Variants in LRRC72 observed in about 807,000 individuals in gnomAD.
LRRC72 encodes the protein leucine rich repeat containing 72, also known as leucine-rich repeat-containing protein 72.
A neutral mutation model predicts 35.8 loss-of-function variants in LRRC72; 41 were observed. That is an observed-to-expected ratio of 1.15 (90% CI 0.89 to 1.49). The LOEUF is 1.49. Ranked by LOEUF, LRRC72 falls within the 40% of genes most tolerant of loss-of-function variation. The pLI is 0.00. For synonymous variants in LRRC72, 118 were observed against 119.2 expected, an observed-to-expected ratio of 0.99 and a Z score of 0.07; for missense variants, 389 against 330.7, an observed-to-expected ratio of 1.18 and a Z score of -1.37.
chr7:16,578,275 C>A (rs886759214), intron 7 of LRRC72, among the ~76,000 whole-genome samples: 1 of 152,158 alleles, frequency 6.6e-6, no homozygotes, highest in Non-Finnish European at 1.5e-5. Flanking sequence ...AAGTTTGAGA[C>A]CAGCCTGGCT....
chr7:16,541,174 G>A (rs1782350515), intron 3 of LRRC72, among the ~76,000 whole-genome samples: 1 of 152,190 alleles, frequency 6.6e-6, no homozygotes, highest in Non-Finnish European at 1.5e-5. Context: ...AATCACTACA[G>A]TAAGCTAGTG....
intron 7 of LRRC72, 75 bp from the exon 8 acceptor site, chr7:16,579,999 T>G (rs940299346): frequency 3.1e-6 from 1 of 319,834 alleles, no homozygotes; most frequent in African/African-American, 2.3e-5. Flanking sequence ...TTTTCCTTTA[T>G]AGCATTGTTC....
chr7:16,556,833 G>A (rs550189818), intron 3 of LRRC72, among the ~76,000 whole-genome samples: 29 of 152,258 alleles, frequency 1.9e-4, no homozygotes, highest in African/African-American at 6.0e-4. Context: ...ACTCATGCAC[G>A]GTTTAGTATG....
At chr7:16,529,489 A>G (rs2128334055) in intron 1 of LRRC72, among the ~76,000 whole-genome samples, 1 of 152,264 alleles carries the variant, frequency 6.6e-6, no homozygotes, top group African/African-American at 2.4e-5. Context: ...AGGGACCACG[A>G]ACTGTGCCCC....
At chr7:16,538,999 C>T (rs755017032) in intron 3 of LRRC72, among the ~76,000 whole-genome samples, 1 of 152,122 alleles carries the variant, frequency 6.6e-6, no homozygotes, top group Non-Finnish European at 1.5e-5. Context: ...TTGGCACTGG[C>T]AGAGTGGGAT....
chr7:16,534,380 G>A (rs984084534), intron 2 of LRRC72, among the ~76,000 whole-genome samples: 17 of 152,154 alleles, frequency 1.1e-4, no homozygotes, highest in African/African-American at 3.9e-4. Flanking sequence ...ACGTGAAAGA[G>A]TTAAAGTACC....
At position 16,581,406 on chromosome 7, in the gene LRRC72, G is replaced by C; in HGVS notation, c.781G>C (p.Asp261His). ...GATGACTTTGACCTCTATGAACTGG[G>C]ACACAGTTCCAACACGAGAGGAAAG... Reference protein sequence around the residue: ...SVMTLTSMNWDTVPTREERYL... With the variant: ...SVMTLTSMNWHTVPTREERYL... Residue 261 changes from aspartate to histidine, a missense_variant, in exon 9 of 9, where the codon GAC becomes CAC. Transcript: ENST00000401542. 1 of 1,550,244 alleles carries C rather than the reference G, an allele frequency of 6.5e-7. No homozygotes were observed. Among genetic ancestry groups the C allele is most frequent in the East Asian group, 2.4e-5 (1 of 40,868 alleles).
intron 2 of LRRC72, chr7:16,536,937 C>A (rs1442315290): frequency 6.6e-6 from 1 of 152,108 alleles, no homozygotes; most frequent in Admixed American, 6.5e-5. Context: ...AATAAGAGAT[C>A]CAACTACTCC....
In LRRC72 at chr7:16,537,664, A is replaced by C; in HGVS notation, c.202A>C (p.Lys68Gln). Residue 68 changes from lysine to glutamine, a missense_variant, in exon 3 of 9, where the codon AAA becomes CAA. By Grantham distance (53) the Lys-to-Gln change is moderately conservative. Transcript: ENST00000401542. ...TEVIDLSRFK[K>Q]LKYLWLHHNK... ...GGTCATTGATCTTTCTAGGTTTAAA[A>C]AATTAAAATACTTATGGCTTCATCA... 6.5e-7 allele frequency: 1 copy of C among 1,528,472 alleles called. No individual in the cohort carries two copies. Among genetic ancestry groups the C allele is most frequent in the Non-Finnish European group, 8.8e-7 (1 of 1,134,560 alleles). 94.7% of individuals were successfully genotyped at this position (1,528,472 alleles called of 1,614,324 possible). A position where few individuals can be genotyped will look rare whatever the true frequency, so the allele number is the denominator to read the frequency against.
intron 3 of LRRC72, among the ~76,000 whole-genome samples, chr7:16,554,403 T>C (rs949357777): frequency 2.0e-5 from 3 of 152,220 alleles, no homozygotes; most frequent in Non-Finnish European, 2.9e-5. Context: ...TATCTTATAA[T>C]GTTCCTGACC....
chr7:16,572,625 A>G (rs908870064), intron 7 of LRRC72, among the ~76,000 whole-genome samples: 11 of 152,234 alleles, frequency 7.2e-5, no homozygotes, highest in African/African-American at 2.2e-4. Flanking sequence ...AAAATCCTCA[A>G]TAAACTAGGT....
chr7:16,546,029 A>G (rs1782438019), intron 3 of LRRC72, among the ~76,000 whole-genome samples: 1 of 152,152 alleles, frequency 6.6e-6, no homozygotes, highest in Non-Finnish European at 1.5e-5. Flanking sequence ...AAATGAATGC[A>G]TTGTTTTAAT....
At chr7:16,568,128 T>C (rs969701707) in intron 7 of LRRC72, among the ~76,000 whole-genome samples, 31 of 152,120 alleles carry the variant, frequency 2.0e-4, no homozygotes, top group Non-Finnish European at 4.1e-4. Flanking sequence ...CAGCAAAGAA[T>C]AGAAAGATAG....
chr7:16,537,893 A>G (rs1782287053), intron 3 of LRRC72, among the ~76,000 whole-genome samples, 197 bp downstream of exon 3: 1 of 152,182 alleles, frequency 6.6e-6, no homozygotes, highest in Non-Finnish European at 1.5e-5. Context: ...CATGAGATAC[A>G]TTGAATAAGG....
At chr7:16,553,011 A>C (rs1782582536) in intron 3 of LRRC72, among the ~76,000 whole-genome samples, 1 of 152,186 alleles carries the variant, frequency 6.6e-6, no homozygotes, top group Non-Finnish European at 1.5e-5. Context: ...GTTTATAGTA[A>C]AGATTAGTAA....
intron 5 of LRRC72, 75 bp downstream of exon 5, chr7:16,559,074 TA>T: frequency 1.1e-6 from 1 of 893,320 alleles, no homozygotes; most frequent in Non-Finnish European, 1.7e-6. Context: ...TTATCAAGTT[TA>T]AAATTAGAGA....
chr7:16,566,102 T>C (rs928263008), intron 5 of LRRC72, among the ~76,000 whole-genome samples: 2 of 152,354 alleles, frequency 1.3e-5, no homozygotes, highest in Non-Finnish European at 2.9e-5. Context: ...AGTAAGCACT[T>C]GGTAAATATT....
chr7:16,532,790 C>T (rs1782191582), intron 2 of LRRC72: 2 of 602,570 alleles, frequency 3.3e-6, no homozygotes, highest in African/African-American at 1.9e-5. Flanking sequence ...GTTTGAATCC[C>T]AGCTCTGTCT....
At chr7:16,558,200 T>A (rs1247172193) in intron 4 of LRRC72, among the ~76,000 whole-genome samples, 1 of 152,182 alleles carries the variant, frequency 6.6e-6, no homozygotes, top group African/African-American at 2.4e-5. Flanking sequence ...TGACTAGCAT[T>A]ATAAATCTAA....
Sources: allele counts gnomAD v4.1 joint callset (sites outside exome capture counted in the v4.1 genomes callset), GRCh38; gene constraint gnomAD v4.1.1; transcripts MANE v1.5; gene names NCBI Gene and HGNC (gene_info 2026-07-23, HGNC 2026-07-21).